The following HP1BP3 variants were observed in gnomAD, a reference collection of about 807,000 sequenced individuals.
HP1BP3 encodes the protein heterochromatin protein 1-binding protein 3.
In HP1BP3, 12 loss-of-function variants were observed where a neutral mutation model predicts 62.5. The ratio of observed to expected loss-of-function variants is 0.19; its 90% CI spans 0.12 to 0.31. HP1BP3 has a LOEUF of 0.31. HP1BP3 is among the 10% of genes least tolerant of loss of function. HP1BP3 has a pLI of 1.00. For synonymous variants in HP1BP3, 260 were observed against 237.8 expected (o/e 1.09, Z -0.86); for missense variants, 502 against 651.8 (o/e 0.77, Z 2.50).
chr1:20,777,651 G>C (rs76559595), intron 3 of HP1BP3, among the ~76,000 whole-genome samples: 1 of 152,036 alleles, frequency 6.6e-6, no homozygotes. Context: ...GTAGTGACAG[G>C]GTTTCATTGT....
At chr1:20,766,460 AAAG>A (rs566532864) in intron 7 of HP1BP3, among the ~76,000 whole-genome samples, 8 of 152,246 alleles carry the variant, frequency 5.3e-5, no homozygotes, top group Non-Finnish European at 8.8e-5. Flanking sequence ...AACAAAAAAA[AAAG>A]GTGTAGAAAA....
At chr1:20,754,262 T>C (rs915271804) in intron 9 of HP1BP3, among the ~76,000 whole-genome samples, 1 of 151,890 alleles carries the variant, frequency 6.6e-6, no homozygotes, top group African/African-American at 2.4e-5. Context: ...CAAGACAGCA[T>C]GGAAAAAGAA....
chr1:20,779,222 A>G lies in HP1BP3; in HGVS notation c.196+590T>C, dbSNP rs2057435712. ...AAAGGAAAAAAGGGAAAAGATAAGG[A>G]AAAAAACCAAAAAGATCATGAGAAG... On this transcript the variant is annotated intron_variant, in intron 3 of 12. Coordinates refer to ENST00000438032, the MANE Select transcript of HP1BP3 (RefSeq NM_001372052.1). 2.0e-5 allele frequency among the ~76,000 whole-genome samples: 3 copies of G among 152,304 alleles called. No homozygotes were observed. In the South Asian group the frequency reaches 6.2e-4, roughly 32 times the overall value.
chr1:20,744,911 G>C lies in HP1BP3; in HGVS notation c.1548C>G (p.Ile516Met). 6.2e-7 allele frequency: 1 copy of C among 1,614,174 alleles called. No individual in the cohort carries two copies. The highest frequency in any genetic ancestry group is 1.7e-5 in the Admixed American group (1 of 60,024). Reference sequence around the variant, plus strand: ...TTGAGGAGCCACCACTAGGTTTCTTGATGACTGTGGATGAGGGTCTGGTCT... The same window carrying C: ...TTGAGGAGCCACCACTAGGTTTCTTCATGACTGTGGATGAGGGTCTGGTCT... ...AKKTRPSSTV[I>M]KKPSGGSSKK... Residue 516 changes from isoleucine (I) to methionine (M), a missense_variant, in exon 13 of 13, where the codon ATC becomes ATG. Physicochemically the swap from Ile to Met is conservative, Grantham distance 10. Coordinates refer to ENST00000438032, the MANE Select transcript of HP1BP3 (RefSeq NM_001372052.1).
intron 10 of HP1BP3, 146 bp downstream of exon 10, chr1:20,749,577 T>C (rs893061769): frequency 3.0e-6 from 2 of 670,970 alleles, no homozygotes; most frequent in Admixed American, 5.8e-5. Context: ...GCCAGACTGG[T>C]CTCAAACTCC....
chr1:20,780,294 G>A (rs750670311), intron 2 of HP1BP3, 51 bp downstream of exon 2: 2 of 1,325,906 alleles, frequency 1.5e-6, no homozygotes, highest in East Asian at 2.3e-5. Context: ...AGCAGGGCCT[G>A]AAGTCAGGGA....
In HP1BP3 at chr1:20,752,279, T is replaced by C. The variant is rs151282569; in HGVS notation, c.982-2397A>G. ...AAAACAAACAAACAAAAACCTAAGA[T>C]GCGATTTGCTTTTTCACTGTCTTTT... On this transcript the variant is annotated intron_variant, in intron 9 of 12. Transcript: ENST00000438032. Among the ~76,000 whole-genome samples the C allele has an allele frequency of 3.3e-3, 505 of 151,564 alleles. 2 individuals are homozygous for C. The highest frequency in any genetic ancestry group is 0.011 in the African/African-American group (453 of 41,378).
intron 10 of HP1BP3, among the ~76,000 whole-genome samples, chr1:20,749,361 C>CTTTTTTTTTTTTT (rs11377726): frequency 1.4e-5 from 2 of 138,892 alleles, no homozygotes; most frequent in African/African-American, 5.3e-5. Context: ...CTTTTCTTTT[C>CTTTTTTTTTTTTT]TTTTCTTTTT....
chr1:20,750,267 A>C (rs1316165505), intron 9 of HP1BP3: 1 of 134,506 alleles, frequency 7.4e-6, no homozygotes, highest in Non-Finnish European at 1.7e-5. Flanking sequence ...AGATCACTTA[A>C]GGCCAGGAGT....
rs1255191864 is a variant in HP1BP3 at position 20,765,068 on chromosome 1, C to T, written c.890+309G>A. Among the ~76,000 whole-genome samples, 7 of 149,392 alleles carry T rather than the reference C, an allele frequency of 4.7e-5. No individual in the cohort carries two copies. The East Asian group carries it at 7.9e-4, about 17-fold the overall frequency. ...CCTGTAGGCGCAGCTACCCGGGAGGCGGAGGCAGGAGAATCCTTTGAACCC... is the reference window on the plus strand; with the variant it reads ...CCTGTAGGCGCAGCTACCCGGGAGGTGGAGGCAGGAGAATCCTTTGAACCC... On this transcript the variant is annotated intron_variant, in intron 8 of 12. Coordinates refer to ENST00000438032, the MANE Select transcript of HP1BP3 (RefSeq NM_001372052.1).
chr1:20,781,149 A>G (rs1320133248), intron 1 of HP1BP3, among the ~76,000 whole-genome samples: 3 of 152,150 alleles, frequency 2.0e-5, no homozygotes, highest in African/African-American at 7.2e-5. Context: ...GAAGAATATA[A>G]TTAAATATTC....
chr1:20,747,657 T>TG lies in HP1BP3; in HGVS notation c.1142-3dup, dbSNP rs1263852880. On this transcript the variant is annotated splice_region_variant and splice_polypyrimidine_tract_variant and intron_variant, in intron 10 of 12. Coordinates refer to ENST00000438032, the MANE Select transcript of HP1BP3 (RefSeq NM_001372052.1). ...GCAGGGTTTTTTTCAGCAAATGCAC[T>TG]GAAAAAAAAAATTCAGAAATGAAAG... 2 of 1,588,838 alleles carry TG rather than the reference T, an allele frequency of 1.3e-6. No homozygotes were observed. Among genetic ancestry groups the TG allele is most frequent in the East Asian group, 2.2e-5 (1 of 44,742 alleles).
intron 9 of HP1BP3, among the ~76,000 whole-genome samples, chr1:20,751,707 A>G (rs988945760): frequency 1.3e-5 from 2 of 151,934 alleles, no homozygotes; most frequent in Non-Finnish European, 2.9e-5. Flanking sequence ...TGAGTGACAG[A>G]CCAAGACTCT....
intron 6 of HP1BP3, among the ~76,000 whole-genome samples, chr1:20,768,583 T>C (rs1216699441): frequency 6.6e-6 from 1 of 152,146 alleles, no homozygotes; most frequent in East Asian, 1.9e-4. Context: ...TTCATTCCTA[T>C]AATCCCAGCA....
chr1:20,746,659 A>G (rs1029682190), intron 11 of HP1BP3, among the ~76,000 whole-genome samples: 4 of 152,220 alleles, frequency 2.6e-5, no homozygotes, highest in African/African-American at 4.8e-5. Context: ...AAATTTTCAG[A>G]TAAGTGTTCC....
intron 11 of HP1BP3, 61 bp downstream of exon 11, chr1:20,747,483 A>T: frequency 9.7e-7 from 1 of 1,034,870 alleles, no homozygotes; most frequent in Non-Finnish European, 1.5e-6. Context: ...AAAATAAATT[A>T]AACTGAGTGT....
chr1:20,772,214 G>A (rs1458060878), intron 5 of HP1BP3, among the ~76,000 whole-genome samples: 1 of 152,132 alleles, frequency 6.6e-6, no homozygotes, highest in Non-Finnish European at 1.5e-5. Context: ...GGTATCCATG[G>A]TCTGAAACAA....
At chr1:20,746,504 A>T (rs979125970) in intron 11 of HP1BP3, among the ~76,000 whole-genome samples, 2 of 152,240 alleles carry the variant, frequency 1.3e-5, no homozygotes, top group African/African-American at 4.8e-5. Context: ...TAGTCTTGCT[A>T]AAACAGGGTC....
chr1:20,763,238 T>C (rs2154540491), intron 8 of HP1BP3, among the ~76,000 whole-genome samples: 2 of 152,350 alleles, frequency 1.3e-5, no homozygotes, highest in African/African-American at 2.4e-5. Flanking sequence ...ATAAACTTTA[T>C]TCTTTGTTAA....
Sources: gnomAD v4.1 joint callset for allele counts (sites outside exome capture counted in the v4.1 genomes callset) on GRCh38, gnomAD v4.1.1 for gene constraint, MANE v1.5 for transcripts, NCBI Gene and HGNC (gene_info 2026-07-23, HGNC 2026-07-21) for gene names.